The following KCNH5 variants were observed in gnomAD, a reference collection of about 807,000 sequenced individuals.
KCNH5 encodes the protein voltage-gated delayed rectifier potassium channel KCNH5.
KCNH5 carries 46 observed loss-of-function variants against 96.1 expected under a neutral mutation model. The ratio of observed to expected loss-of-function variants is 0.48; its 90% CI spans 0.38 to 0.61. The LOEUF is 0.61. KCNH5 is among the 20% of genes least tolerant of loss of function. The probability of loss-of-function intolerance (pLI) is 0.00; values close to 1 mark genes in which losing one functional copy is unlikely to be tolerated. For missense variants in KCNH5, 907 were observed against 1,225.8 expected (o/e 0.74, Z 3.88); for synonymous variants, 439 against 449.8 (o/e 0.98, Z 0.30).
At chr14:63,043,491 T>G (rs2139636513) in intron 1 of KCNH5, among the ~76,000 whole-genome samples, 1 of 152,322 alleles carries the variant, frequency 6.6e-6, no homozygotes, top group Non-Finnish European at 1.5e-5. Flanking sequence ...TAGTATAATC[T>G]TAATACAAGA....
At chr14:62,927,890 T>C (rs1013347335) in intron 7 of KCNH5, among the ~76,000 whole-genome samples, 5 of 152,090 alleles carry the variant, frequency 3.3e-5, no homozygotes, top group African/African-American at 9.7e-5. Context: ...ATGTTACATA[T>C]ATTTTACTGC....
At chr14:62,957,288 T>A (rs1890122081) in intron 6 of KCNH5, among the ~76,000 whole-genome samples, 2 of 152,228 alleles carry the variant, frequency 1.3e-5, no homozygotes, top group Admixed American at 1.3e-4. Context: ...AATTCTCTTA[T>A]CTGACCGTCG....
rs763275808 is a variant in KCNH5, at chr14:62,708,078, G to T, written c.2397C>A (p.Ser799Arg). 1.2e-6 allele frequency: 2 copies of T among 1,614,124 alleles called. No homozygotes were observed. The highest frequency in any genetic ancestry group is 1.7e-6 in the Non-Finnish European group (2 of 1,180,032). Residue 799 changes from serine to arginine, a missense_variant, in exon 11 of 11, where the codon AGC becomes AGA. Ser to Arg is a moderately radical substitution (Grantham distance 110). Transcript: ENST00000322893. Reference sequence around the variant, plus strand: ...CATTTCCATTCTTCATTCTTATTGGGCTGTTGACTTTGAGACATTTTTGGT... The same window carrying T: ...CATTTCCATTCTTCATTCTTATTGGTCTGTTGACTTTGAGACATTTTTGGT... ...GADQKCLKVN[S>R]PIRMKNGNGK...
At chr14:62,967,236 T>C (rs1287397722) in intron 6 of KCNH5, among the ~76,000 whole-genome samples, 1 of 152,052 alleles carries the variant, frequency 6.6e-6, no homozygotes, top group Non-Finnish European at 1.5e-5. Context: ...TGCAATTTAC[T>C]GATGAGGGAA....
intron 7 of KCNH5, among the ~76,000 whole-genome samples, chr14:62,892,723 A>G (rs1888735558): frequency 6.6e-6 from 1 of 152,170 alleles, no homozygotes; most frequent in South Asian, 2.1e-4. Flanking sequence ...GCAAAAACCC[A>G]AAGGTCTTAA....
At position 62,987,142 on chromosome 14, in the gene KCNH5, C is replaced by T. The variant is rs148002630; in HGVS notation, c.479G>A (p.Arg160Gln). The change falls in exon 5 of 11, where the codon CGA (arginine) becomes CAA (glutamine). Residue 160 changes from arginine (R) to glutamine (Q), a missense_variant. Arg to Gln is a conservative substitution (Grantham distance 43, BLOSUM62 1). Transcript: ENST00000322893. ...ARLTRALTNS[R>Q]SVLQQLTPMN... ...TGGCGTGAGCTGCTGCAAAACACTTCGGCTATTTGTCAAAGCCCGTGTCAA... is the reference window on the plus strand; with the variant it reads ...TGGCGTGAGCTGCTGCAAAACACTTTGGCTATTTGTCAAAGCCCGTGTCAA... The T allele has an allele frequency of 3.1e-6, 5 of 1,613,546 alleles. No homozygotes were observed. Among genetic ancestry groups the T allele is most frequent in the Non-Finnish European group, 2.5e-6 (3 of 1,179,622 alleles).
rs566167011 is a variant in KCNH5, at chr14:62,987,429, T to C, written c.434-242A>G. On this transcript the variant is annotated intron_variant, in intron 4 of 10. Coordinates refer to ENST00000322893, the MANE Select transcript of KCNH5 (RefSeq NM_139318.5). ...TTTGCCCATATCTGTGTATAGTCCC[T>C]GTAGCCAATGCAACTAGCTATCCAC... is the stretch of plus-strand genomic sequence containing the variant. Among the ~76,000 whole-genome samples, 167 of 152,338 alleles carry C rather than the reference T, an allele frequency of 1.1e-3. 1 individual carries two copies. Among genetic ancestry groups the C allele is most frequent in the Non-Finnish European group, 2.0e-3 (138 of 68,024 alleles).
rs556706448 is a variant in KCNH5, at chr14:62,908,086, G to A, written c.1369+42047C>T. Among the ~76,000 whole-genome samples the A allele has an allele frequency of 1.4e-4, 22 of 152,228 alleles. No homozygotes were observed. The South Asian group carries it at 1.5e-3, about 10-fold the overall frequency. On this transcript the variant is annotated intron_variant, in intron 7 of 10. Transcript: ENST00000322893. The stretch of plus-strand genomic sequence containing the variant: ...GTATACATACTACACAAACTTTTGT[G>A]GGTAATGGATTCTACATGTTTTCAG...
intron 3 of KCNH5, among the ~76,000 whole-genome samples, 173 bp from the exon 4 acceptor site, chr14:63,001,632 C>G (rs1891013359): frequency 6.6e-6 from 1 of 152,216 alleles, no homozygotes; most frequent in South Asian, 2.1e-4. Flanking sequence ...AATTTTGTAT[C>G]AACTACCAGT....
intron 10 of KCNH5, among the ~76,000 whole-genome samples, chr14:62,757,727 T>C (rs1312916513): frequency 6.6e-6 from 1 of 152,252 alleles, no homozygotes; most frequent in East Asian, 1.9e-4. Context: ...TGTTCTCACT[T>C]ATTTGTGGGA....
chr14:63,003,471 A>T (rs1359257610), intron 3 of KCNH5, among the ~76,000 whole-genome samples: 1 of 131,202 alleles, frequency 7.6e-6, no homozygotes, highest in African/African-American at 2.9e-5. Flanking sequence ...TTTTATATAT[A>T]TTATATATAT....
At chr14:62,781,482 T>C (rs889647408) in intron 9 of KCNH5, among the ~76,000 whole-genome samples, 2 of 152,174 alleles carry the variant, frequency 1.3e-5, no homozygotes, top group Non-Finnish European at 2.9e-5. Context: ...GGGAGCGCTA[T>C]GGGAGACTGG....
At chr14:62,966,834 C>T (rs922501537) in intron 6 of KCNH5, among the ~76,000 whole-genome samples, 1 of 152,092 alleles carries the variant, frequency 6.6e-6, no homozygotes, top group Non-Finnish European at 1.5e-5. Context: ...CTAATAAAGC[C>T]CACTCCCCTA....
intron 6 of KCNH5, among the ~76,000 whole-genome samples, chr14:62,954,007 C>G (rs1890054096): frequency 6.6e-6 from 1 of 152,174 alleles, no homozygotes; most frequent in African/African-American, 2.4e-5. Context: ...CCCATCAGGA[C>G]CTTGTACCTA....
At chr14:62,781,553 G>C (rs1465691106) in intron 9 of KCNH5, among the ~76,000 whole-genome samples, 1 of 152,138 alleles carries the variant, frequency 6.6e-6, no homozygotes, top group Non-Finnish European at 1.5e-5. Flanking sequence ...GGGGGGTGGG[G>C]GGCAGTTTAG....
chr14:62,728,142 A>G (rs1316266587), intron 10 of KCNH5, among the ~76,000 whole-genome samples: 1 of 151,502 alleles, frequency 6.6e-6, no homozygotes, highest in Non-Finnish European at 1.5e-5. Context: ...ACACCTTAGG[A>G]GGCTGAGGCG....
At chr14:62,799,997 A>C (rs1886628224) in intron 9 of KCNH5, among the ~76,000 whole-genome samples, 1 of 151,162 alleles carries the variant, frequency 6.6e-6, no homozygotes, top group South Asian at 2.1e-4. Flanking sequence ...GGAGAAGAAG[A>C]GGAAGAAGAG....
At chr14:63,029,020 G>A (rs1419701998) in intron 1 of KCNH5, among the ~76,000 whole-genome samples, 1 of 152,104 alleles carries the variant, frequency 6.6e-6, no homozygotes, top group Non-Finnish European at 1.5e-5. Flanking sequence ...GACCATCAAA[G>A]AGTTAAGTAA....
Position 63,006,455 on chromosome 14 carries a change from A to G in KCNH5, c.215T>C (p.Leu72Ser), listed in dbSNP as rs1386778378. Reference protein sequence around the residue: ...SSTCSFMYGELTDKKTIEKVR... With the variant: ...SSTCSFMYGESTDKKTIEKVR... ...TTTCTCAATGGTCTTCTTGTCAGTC[A>G]ATTCCCCATACATAAAACTGGGGGG... The change falls in exon 3 of 11, where the codon TTG becomes TCG. Residue 72 changes from leucine to serine, a missense_variant. Leu to Ser is a moderately radical substitution (Grantham distance 145). This residue lies in a region of KCNH5 where 370 missense variants were observed against 561.3 expected (regional missense o/e 0.66). Coordinates refer to ENST00000322893, the MANE Select transcript of KCNH5 (RefSeq NM_139318.5). The G allele has an allele frequency of 2.6e-5, 42 of 1,608,788 alleles. No individual in the cohort carries two copies. The highest frequency in any genetic ancestry group is 3.5e-5 in the Non-Finnish European group (41 of 1,175,924).
Sources: gnomAD v4.1 joint callset for allele counts (sites outside exome capture counted in the v4.1 genomes callset) on GRCh38, gnomAD v4.1.1 for gene constraint, gnomAD v4.1.1 regional missense constraint, MANE v1.5 for transcripts, NCBI Gene and HGNC (gene_info 2026-07-23, HGNC 2026-07-21) for gene names.